Variants in GRM3 observed in about 807,000 individuals in gnomAD.
GRM3 encodes the protein glutamate metabotropic receptor 3.
GRM3 carries 26 observed loss-of-function variants against 70.5 expected under a neutral mutation model. The observed-to-expected ratio is 0.37, with a 90% CI of 0.27 to 0.51. GRM3 has a LOEUF of 0.51. Among genes scored for constraint, GRM3 ranks in the 20% least tolerant of loss-of-function variants. The probability of loss-of-function intolerance (pLI) is 0.93; values close to 1 mark genes in which losing one functional copy is unlikely to be tolerated. For missense variants in GRM3, 859 were observed against 1,123.8 expected, an observed-to-expected ratio of 0.76 and a Z score of 3.37; for synonymous variants, 443 against 434.9, an observed-to-expected ratio of 1.02 and a Z score of -0.23.
intron 1 of GRM3, among the ~76,000 whole-genome samples, chr7:86,672,977 G>A (rs1416134869): frequency 6.6e-6 from 1 of 152,028 alleles, no homozygotes; most frequent in African/African-American, 2.4e-5. Flanking sequence ...ACCCAAAAAA[G>A]GTAATGAACT....
intron 1 of GRM3, among the ~76,000 whole-genome samples, chr7:86,668,296 C>G (rs1362610687): frequency 2.0e-5 from 3 of 151,684 alleles, no homozygotes; most frequent in Non-Finnish European, 4.4e-5. Flanking sequence ...TTTAGGCCAT[C>G]ATTATGAACA....
At chr7:86,685,906 CAA>C (rs71117516) in intron 1 of GRM3, among the ~76,000 whole-genome samples, 31 of 74,346 alleles carry the variant, frequency 4.2e-4, no homozygotes, top group East Asian at 9.9e-4. Flanking sequence ...ACTCTGTCTC[CAA>C]AAAAAAAAAA....
chr7:86,713,763 G>C (rs568912909), intron 1 of GRM3, among the ~76,000 whole-genome samples: 1 of 151,886 alleles, frequency 6.6e-6, no homozygotes, highest in African/African-American at 2.4e-5. Context: ...GTAGTTCTAT[G>C]TACATAGAAA....
At chr7:86,831,648 T>C (rs529209652) in intron 3 of GRM3, among the ~76,000 whole-genome samples, 1 of 152,222 alleles carries the variant, frequency 6.6e-6, no homozygotes, top group South Asian at 2.1e-4. Flanking sequence ...GAGTAGATTG[T>C]TTCTGAGTTG....
At chr7:86,821,704 A>G (rs1798123823) in intron 3 of GRM3, among the ~76,000 whole-genome samples, 1 of 152,202 alleles carries the variant, frequency 6.6e-6, no homozygotes, top group Admixed American at 6.5e-5. Context: ...AAGGTGAATC[A>G]TATTCTGGTG....
rs548935770 is a variant in GRM3, at chr7:86,840,765, G to A, written c.2391+860G>A. 1.8e-4 allele frequency among the ~76,000 whole-genome samples: 27 copies of A among 152,216 alleles called. 1 individual carries two copies. The highest frequency in any genetic ancestry group is 3.8e-4 in the Non-Finnish European group (26 of 67,986). On this transcript the variant is annotated intron_variant, in intron 4 of 5. Coordinates refer to ENST00000361669, the MANE Select transcript of GRM3 (RefSeq NM_000840.3). ...GTTTCTTAAATTGTCAGAGATTAAAGTTTTCCAGAAGCATAATGGTTTACT... is the reference window on the plus strand; with the variant it reads ...GTTTCTTAAATTGTCAGAGATTAAAATTTTCCAGAAGCATAATGGTTTACT...
intron 3 of GRM3, among the ~76,000 whole-genome samples, chr7:86,810,913 T>A (rs77703912): frequency 0.054 from 8,165 of 152,102 alleles, 698 homozygotes; most frequent in African/African-American, 0.18. Context: ...ATTTTTTCAC[T>A]AAATCACCAT....
At chr7:86,835,047 A>G (rs1210172721) in intron 3 of GRM3, among the ~76,000 whole-genome samples, 1 of 152,116 alleles carries the variant, frequency 6.6e-6, no homozygotes. Flanking sequence ...TGTCCTAACC[A>G]ATACTAAAAT....
At chr7:86,791,177 A>G (rs1355371539) in intron 3 of GRM3, among the ~76,000 whole-genome samples, 1 of 152,200 alleles carries the variant, frequency 6.6e-6, no homozygotes, top group Non-Finnish European at 1.5e-5. Flanking sequence ...CATGGTACAT[A>G]TATTTCATCT....
rs139801503 is a variant in GRM3, at chr7:86,821,128, C to A, written c.1325-17711C>A. Among the ~76,000 whole-genome samples the A allele has an allele frequency of 6.9e-4, 105 of 151,748 alleles. 2 individuals carry two copies. The East Asian group carries it at 0.018, about 25-fold the overall frequency. On this transcript the variant is annotated intron_variant, in intron 3 of 5. Coordinates refer to ENST00000361669, the MANE Select transcript of GRM3 (RefSeq NM_000840.3). ...ATGACTTGCAAAAGTTATAAGGGGA[C>A]AATATTGCAGATAATGTGCTCCATG...
chr7:86,761,682 G>A (rs1197469266), intron 1 of GRM3, among the ~76,000 whole-genome samples: 1 of 152,122 alleles, frequency 6.6e-6, no homozygotes, highest in Non-Finnish European at 1.5e-5. Context: ...GTCCTTACCT[G>A]TGAAACAGGT....
intron 3 of GRM3, among the ~76,000 whole-genome samples, chr7:86,808,019 T>G (rs1797831329): frequency 6.6e-6 from 1 of 152,126 alleles, no homozygotes; most frequent in Admixed American, 6.6e-5. Flanking sequence ...GTTTTTGTCT[T>G]TGGTTCTGTT....
chr7:86,765,101 T>C lies in GRM3; in HGVS notation c.-45T>C. 6.6e-7 allele frequency: 1 copy of C among 1,523,616 alleles called. No homozygotes were observed. The highest frequency in any genetic ancestry group is 8.8e-7 in the Non-Finnish European group (1 of 1,142,634). The allele number at this position is 1,523,616 out of a possible 1,614,324, so 94.4% of individuals were successfully genotyped here. ...AATGAGAGAGGACTAGCATGACACA[T>C]TGGCTCCACCATTGATATCTCCCAG... On this transcript the variant is annotated 5_prime_UTR_variant, in exon 2 of 6. Coordinates refer to ENST00000361669, the MANE Select transcript of GRM3 (RefSeq NM_000840.3).
At chr7:86,793,083 C>T (rs182492856) in intron 3 of GRM3, among the ~76,000 whole-genome samples, 84 of 143,922 alleles carry the variant, frequency 5.8e-4, no homozygotes, top group African/African-American at 2.1e-3. Flanking sequence ...AGACCTAGAG[C>T]CTGGTGGAGA....
intron 1 of GRM3, among the ~76,000 whole-genome samples, chr7:86,695,067 T>C (rs1794784032): frequency 6.6e-6 from 1 of 152,204 alleles, no homozygotes; most frequent in South Asian, 2.1e-4. Context: ...GCTTGATTCC[T>C]GGACAAATCA....
Position 86,705,023 on chromosome 7 carries a change from ATATAGCTCTTCCCTT to A in GRM3, c.-140-59978_-140-59964del, listed in dbSNP as rs1174677844. Among the ~76,000 whole-genome samples the A allele has an allele frequency of 4.6e-5, 7 of 152,060 alleles. 1 individual carries two copies. In the South Asian group the frequency reaches 1.4e-3, roughly 31 times the overall value. On this transcript the variant is annotated intron_variant, in intron 1 of 5. Coordinates refer to ENST00000361669, the MANE Select transcript of GRM3 (RefSeq NM_000840.3). Reference sequence around the variant, plus strand: ...ATACTGACATAGGCATCTAATTCACATATAGCTCTTCCCTTTATATAGCATTTTTTTGAACATCCA... The same window carrying A: ...ATACTGACATAGGCATCTAATTCACATATATAGCATTTTTTTGAACATCCA...
intron 1 of GRM3, among the ~76,000 whole-genome samples, chr7:86,714,681 C>T (rs1248254446): frequency 6.6e-6 from 1 of 152,002 alleles, no homozygotes. Flanking sequence ...AATTTATTAT[C>T]TACATAGCTA....
At chr7:86,735,376 G>C (rs1215563861) in intron 1 of GRM3, among the ~76,000 whole-genome samples, 1 of 152,114 alleles carries the variant, frequency 6.6e-6, no homozygotes, top group East Asian at 1.9e-4. Context: ...AATCCCACTT[G>C]TTGGCATTAT....
intron 1 of GRM3, among the ~76,000 whole-genome samples, chr7:86,657,661 A>G (rs560297843): frequency 6.6e-6 from 1 of 152,308 alleles, no homozygotes; most frequent in South Asian, 2.1e-4. Context: ...TGAAAGCACA[A>G]TGTGAAGATA....
Sources: allele counts gnomAD v4.1 joint callset (sites outside exome capture counted in the v4.1 genomes callset), GRCh38; gene constraint gnomAD v4.1.1; transcripts MANE v1.5; gene names NCBI Gene and HGNC (gene_info 2026-07-23, HGNC 2026-07-21).